Variants in PRKN observed in about 807,000 individuals in gnomAD.
PRKN encodes parkin RBR E3 ubiquitin protein ligase.
PRKN carries 56 observed loss-of-function variants against 59.5 expected under a neutral mutation model. The observed-to-expected ratio is 0.94, with a 90% CI of 0.76 to 1.18. The LOEUF (loss-of-function observed/expected upper bound fraction) is 1.18, where lower values mean the gene tolerates loss of function less well. Among genes scored for constraint, PRKN ranks in the 50% most tolerant of loss-of-function variants. The pLI is 0.00. For synonymous variants in PRKN, 250 were observed against 222.1 expected (o/e 1.13, Z -1.12); for missense variants, 657 against 596.4 (o/e 1.10, Z -1.06).
At position 161,924,355 on chromosome 6, in the gene PRKN, G is replaced by A. The variant is rs115624059; in HGVS notation, c.734+48947C>T. On this transcript the variant is annotated intron_variant, in intron 6 of 11. Transcript: ENST00000366898. ...GTGCTTAGGTACCCTGCATTAAAAT[G>A]ACCTACTATAATTTACTGGAAGTAT... Among the ~76,000 whole-genome samples the A allele has an allele frequency of 3.8e-3, 582 of 152,210 alleles. 7 individuals carry two copies. Among genetic ancestry groups the A allele is most frequent in the African/African-American group, 0.014 (569 of 41,530 alleles).
chr6:162,347,418 T>C (rs1346134766), intron 2 of PRKN, among the ~76,000 whole-genome samples: 1 of 151,952 alleles, frequency 6.6e-6, no homozygotes, highest in African/African-American at 2.4e-5. Context: ...CATTAGTTAC[T>C]TAAGAGGTTT....
chr6:161,716,041 A>G lies in PRKN; in HGVS notation c.871+69731T>C, dbSNP rs550314589. The G allele has an allele frequency of 8.8e-5, 108 of 1,227,394 alleles. 2 individuals carry two copies. In the South Asian group the frequency reaches 1.2e-3, roughly 14 times the overall value. The allele number at this position is 1,227,394 out of a possible 1,614,324, so 76.0% of individuals were successfully genotyped here. A position where few individuals can be genotyped will look rare whatever the true frequency, so the allele number is the denominator to read the frequency against. On this transcript the variant is annotated intron_variant, in intron 7 of 11. Transcript: ENST00000366898. The stretch of plus-strand genomic sequence containing the variant: ...CTGGGGAATTGGATCTGGTTTAGCG[A>G]CACAGCCACCATGCTGTGCTGGGCC...
At chr6:162,192,163 G>A (rs1224751752) in intron 4 of PRKN, among the ~76,000 whole-genome samples, 1 of 151,964 alleles carries the variant, frequency 6.6e-6, no homozygotes, top group African/African-American at 2.4e-5. Flanking sequence ...TTTTAAAAAT[G>A]TATCATCCTG....
At chr6:162,282,335 A>T (rs2128106676) in intron 2 of PRKN, among the ~76,000 whole-genome samples, 1 of 152,316 alleles carries the variant, frequency 6.6e-6, no homozygotes, top group African/African-American at 2.4e-5. Flanking sequence ...TATTAAAAAA[A>T]AAATCCACAC....
chr6:162,575,041 A>C (rs1011688254), intron 1 of PRKN, among the ~76,000 whole-genome samples: 3 of 152,106 alleles, frequency 2.0e-5, no homozygotes, highest in Non-Finnish European at 2.9e-5. Flanking sequence ...TTCACCATAC[A>C]TAACATTTCA....
chr6:162,573,953 C>G (rs1172674365), intron 1 of PRKN, among the ~76,000 whole-genome samples: 1 of 152,156 alleles, frequency 6.6e-6, no homozygotes, highest in Admixed American at 6.5e-5. Flanking sequence ...TCCAAAGCAA[C>G]TACTTCAAAT....
chr6:162,241,537 T>C (rs560527686), intron 3 of PRKN, among the ~76,000 whole-genome samples: 1 of 152,182 alleles, frequency 6.6e-6, no homozygotes, highest in Non-Finnish European at 1.5e-5. Flanking sequence ...TTATAATATC[T>C]AGGTCTTATC....
At chr6:161,889,197 G>GTA (rs1795254332) in intron 6 of PRKN, among the ~76,000 whole-genome samples, 1 of 152,100 alleles carries the variant, frequency 6.6e-6, no homozygotes, top group Non-Finnish European at 1.5e-5. Context: ...CAGAGATGTG[G>GTA]GGTATCTGAG....
intron 6 of PRKN, among the ~76,000 whole-genome samples, chr6:161,894,808 A>G (rs1777552083): frequency 6.6e-6 from 1 of 152,224 alleles, no homozygotes; most frequent in African/African-American, 2.4e-5. Flanking sequence ...ACTTACAAAC[A>G]TTAAAATGAT....
At chr6:162,231,550 C>G (rs1199329479) in intron 3 of PRKN, among the ~76,000 whole-genome samples, 1 of 152,156 alleles carries the variant, frequency 6.6e-6, no homozygotes, top group Non-Finnish European at 1.5e-5. Flanking sequence ...CCTGGAAAGA[C>G]AGAGCAGACA....
At chr6:161,433,032 T>C (rs1788721839) in intron 9 of PRKN, among the ~76,000 whole-genome samples, 1 of 152,192 alleles carries the variant, frequency 6.6e-6, no homozygotes, top group Non-Finnish European at 1.5e-5. Context: ...AAAAATACTT[T>C]TGCTTCTAAT....
At chr6:161,695,867 G>A (rs1337305729) in intron 7 of PRKN, among the ~76,000 whole-genome samples, 1 of 152,042 alleles carries the variant, frequency 6.6e-6, no homozygotes, top group Non-Finnish European at 1.5e-5. Context: ...GGAAGAGTGA[G>A]CTTAGATCAT....
chr6:161,931,310 T>C (rs1316047733), intron 6 of PRKN, among the ~76,000 whole-genome samples: 2 of 152,194 alleles, frequency 1.3e-5, no homozygotes, highest in African/African-American at 2.4e-5. Flanking sequence ...TGGTGGTATG[T>C]GTCTGTAGTC....
At chr6:161,755,985 A>G (rs1402359711) in intron 7 of PRKN, among the ~76,000 whole-genome samples, 1 of 152,180 alleles carries the variant, frequency 6.6e-6, no homozygotes, top group African/African-American at 2.4e-5. Flanking sequence ...ACTCATGAGC[A>G]ATTGACAATT....
At chr6:161,986,297 G>T (rs925954508) in intron 5 of PRKN, among the ~76,000 whole-genome samples, 2 of 152,176 alleles carry the variant, frequency 1.3e-5, no homozygotes, top group African/African-American at 2.4e-5. Flanking sequence ...AACACCACCG[G>T]AGCTATAACA....
In PRKN at chr6:161,459,499, T is replaced by A. The variant is rs574754428; in HGVS notation, c.1084-72622A>T. On this transcript the variant is annotated intron_variant, in intron 9 of 11. Transcript: ENST00000366898. This position sits in a 1 kb window ranked among gnomAD's most constrained non-coding sequence, Gnocchi z 4.8. ...TGCAGGGACCTGGTTCTGAGCAAAG[T>A]AGTGGGAAGGATGGAATTCCCTGAA... Among the ~76,000 whole-genome samples the A allele has an allele frequency of 6.6e-6, 1 of 152,242 alleles. No homozygotes were observed. Among genetic ancestry groups the A allele is most frequent in the Admixed American group, 6.5e-5 (1 of 15,292 alleles).
At chr6:162,475,674 C>T (rs930945759) in intron 1 of PRKN, among the ~76,000 whole-genome samples, 1 of 151,764 alleles carries the variant, frequency 6.6e-6, no homozygotes. Context: ...ATGCGGCTAG[C>T]TGCGTCATGC....
intron 7 of PRKN, among the ~76,000 whole-genome samples, chr6:161,757,731 G>A (rs1035995178): frequency 5.3e-5 from 8 of 151,452 alleles, no homozygotes; most frequent in Non-Finnish European, 8.8e-5. Context: ...CCAGCTACTC[G>A]GGGGGCTGAG....
At chr6:161,921,555 G>A (rs1464096153) in intron 6 of PRKN, among the ~76,000 whole-genome samples, 1 of 152,126 alleles carries the variant, frequency 6.6e-6, no homozygotes, top group Non-Finnish European at 1.5e-5. Context: ...CATGAATAAT[G>A]CCTTGAGCTA....
Sources: allele counts gnomAD v4.1 joint callset (sites outside exome capture counted in the v4.1 genomes callset), GRCh38; gene constraint gnomAD v4.1.1; non-coding constraint Gnocchi (gnomAD v3.1); transcripts MANE v1.5; gene names NCBI Gene and HGNC (gene_info 2026-07-23, HGNC 2026-07-21).